Variants in FUBP3 observed in about 807,000 individuals in gnomAD.
The protein encoded by FUBP3 is far upstream element binding protein 3, also known as far upstream element-binding protein 3.
FUBP3 carries 28 observed loss-of-function variants against 85.6 expected under a neutral mutation model. The ratio of observed to expected loss-of-function variants is 0.33; its 90% CI spans 0.24 to 0.45. FUBP3 has a LOEUF of 0.45. Ranked by LOEUF, FUBP3 falls within the 20% of genes least tolerant of loss-of-function variation. The probability of loss-of-function intolerance (pLI) is 1.00; values close to 1 mark genes in which losing one functional copy is unlikely to be tolerated. For synonymous variants in FUBP3, 271 were observed against 271.4 expected (o/e 1.00, Z 0.01); for missense variants, 583 against 755.1 (o/e 0.77, Z 2.67).
At chr9:130,613,063 G>A (rs942254892) in intron 5 of FUBP3, 36 bp downstream of exon 5, 1 of 1,349,444 alleles carries the variant, frequency 7.4e-7, no homozygotes. Context: ...CAATTTTGTA[G>A]AAATCAGTAT....
rs1830173052 is a variant in FUBP3 at position 130,630,631 on chromosome 9, G to T, written c.1121G>T (p.Gly374Val). 5 of 1,595,804 alleles carry T rather than the reference G, an allele frequency of 3.1e-6. No individual in the cohort carries two copies. Among genetic ancestry groups the T allele is most frequent in the Non-Finnish European group, 4.3e-6 (5 of 1,171,682 alleles). Residue 374 changes from glycine (G) to valine (V), a missense_variant, in exon 13 of 19, where the codon GGT becomes GTT. Physicochemically the swap from Gly to Val is moderately radical, Grantham distance 109 (BLOSUM62 -3). Coordinates refer to ENST00000319725, the MANE Select transcript of FUBP3 (RefSeq NM_003934.2). ...GCCTGTGTTGTGCTGTCCGCAGGGG[G>T]TGAGAACATCAAAAGCATCAACCAG... ...DKCGLVIGKG[G>V]ENIKSINQQS...
chr9:130,635,963 C>G lies in FUBP3; in HGVS notation c.1583-36C>G. On this transcript the variant is annotated intron_variant, in intron 17 of 18. Coordinates refer to ENST00000319725, the MANE Select transcript of FUBP3 (RefSeq NM_003934.2). This position sits in a 1 kb window ranked among gnomAD's most constrained non-coding sequence, Gnocchi z 4.3. Reference sequence around the variant, plus strand: ...AAGGGTCCTGCCCAGTGCACCTCCGCTCCCGATAACCTGTGTTTCCTCCTT... The same window carrying G: ...AAGGGTCCTGCCCAGTGCACCTCCGGTCCCGATAACCTGTGTTTCCTCCTT... 6.2e-7 allele frequency: 1 copy of G among 1,606,822 alleles called. No homozygotes were observed. Among genetic ancestry groups the G allele is most frequent in the Non-Finnish European group, 8.5e-7 (1 of 1,176,482 alleles).
chr9:130,628,496 A>G (rs1268421766), intron 12 of FUBP3, among the ~76,000 whole-genome samples: 1 of 152,232 alleles, frequency 6.6e-6, no homozygotes, highest in African/African-American at 2.4e-5. Context: ...ATTTTGAAGG[A>G]AGATGAACTT....
In FUBP3 at chr9:130,635,950, C is replaced by T. The variant is rs749804411; in HGVS notation, c.1583-49C>T. 1 of 1,594,400 alleles carries T rather than the reference C, an allele frequency of 6.3e-7. No individual in the cohort carries two copies. The highest frequency in any genetic ancestry group is 8.5e-7 in the Non-Finnish European group (1 of 1,169,784). The stretch of plus-strand genomic sequence containing the variant: ...CAGGGCCTTTGGGAAGGGTCCTGCC[C>T]AGTGCACCTCCGCTCCCGATAACCT... On this transcript the variant is annotated intron_variant, in intron 17 of 18. Coordinates refer to ENST00000319725, the MANE Select transcript of FUBP3 (RefSeq NM_003934.2). This position sits in a 1 kb window ranked among gnomAD's most constrained non-coding sequence, Gnocchi z 4.3.
At chr9:130,589,449 T>C (rs1343286825) in intron 1 of FUBP3, among the ~76,000 whole-genome samples, 4 of 150,770 alleles carry the variant, frequency 2.7e-5, no homozygotes, top group Non-Finnish European at 5.9e-5. Flanking sequence ...GTTCAAGCAA[T>C]TCTTCTGCCT....
In FUBP3 at chr9:130,612,477, C is replaced by G; in HGVS notation, c.246C>G (p.Phe82Leu). The change falls in exon 4 of 19, where the codon TTC (phenylalanine) becomes TTG (leucine). Residue 82 changes from phenylalanine (F) to leucine (L), a missense_variant. Phe to Leu is a conservative substitution (Grantham distance 22). Coordinates refer to ENST00000319725, the MANE Select transcript of FUBP3 (RefSeq NM_003934.2). The surrounding 1 kb of genome is among the most constrained non-coding windows in gnomAD (Gnocchi z 4.1). ...VHQRTVITEE[F>L]KVPDKMVGFI... ...TTAGGACGGTAATAACGGAAGAATT[C>G]AAAGTGCCTGACAAAATGGTTGGAT... 6.3e-7 allele frequency: 1 copy of G among 1,597,814 alleles called. No individual in the cohort carries two copies. Among genetic ancestry groups the G allele is most frequent in the Non-Finnish European group, 8.6e-7 (1 of 1,166,026 alleles).
At chr9:130,593,461 G>A (rs764406091) in intron 1 of FUBP3, among the ~76,000 whole-genome samples, 10 of 152,124 alleles carry the variant, frequency 6.6e-5, no homozygotes, top group Non-Finnish European at 1.5e-4. Flanking sequence ...CCGCCTTCAG[G>A]AATCTTATTA....
chr9:130,636,667 C>T lies in FUBP3; in HGVS notation c.1711-347C>T, dbSNP rs187982701. On this transcript the variant is annotated intron_variant, in intron 18 of 18. Transcript: ENST00000319725. Reference sequence around the variant, plus strand: ...AAGAAGGGAAGACGTCCAAATGTTCCCACAGGGCGCATTTCCCACCTGATG... The same window carrying T: ...AAGAAGGGAAGACGTCCAAATGTTCTCACAGGGCGCATTTCCCACCTGATG... Among the ~76,000 whole-genome samples, 6 of 152,330 alleles carry T rather than the reference C, an allele frequency of 3.9e-5. No homozygotes were observed. In the East Asian group the frequency reaches 9.6e-4, roughly 24 times the overall value.
Position 130,579,657 on chromosome 9 carries a change from GCGGCGA to G in FUBP3, c.-18_-13del, listed in dbSNP as rs936321668. 3 of 1,197,684 alleles carry G rather than the reference GCGGCGA, an allele frequency of 2.5e-6. No homozygotes were observed. The highest frequency in any genetic ancestry group is 3.1e-6 in the Non-Finnish European group (3 of 952,776). 74.2% of individuals were successfully genotyped at this position (1,197,684 alleles called of 1,614,324 possible). On this transcript the variant is annotated 5_prime_UTR_variant, in exon 1 of 19. Coordinates refer to ENST00000319725, the MANE Select transcript of FUBP3 (RefSeq NM_003934.2). ...GGCGGCGTCGGCGGCGTCGGCGGCG[GCGGCGA>G]CGGCGGCGGGGGCGGTAATGGCGGA... is the stretch of plus-strand genomic sequence containing the variant.
chr9:130,622,842 T>TAA (rs78083080), intron 10 of FUBP3, 32 bp downstream of exon 10: 469 of 826,674 alleles, frequency 5.7e-4, no homozygotes, highest in East Asian at 2.9e-3. Flanking sequence ...TCCTTAGTGT[T>TAA]AAAAAAAAAA....
Position 130,635,287 on chromosome 9 carries a change from C to CA in FUBP3, c.1582+553dup, listed in dbSNP as rs1199622031. The stretch of plus-strand genomic sequence containing the variant: ...AGAGCAGGGCGAGGGACCCAACAAG[C>CA]AAAAGGTCTCTGGGGAGTCACATAA... On this transcript the variant is annotated intron_variant, in intron 17 of 18. Transcript: ENST00000319725. This position sits in a 1 kb window ranked among gnomAD's most constrained non-coding sequence, Gnocchi z 4.3. Among the ~76,000 whole-genome samples the CA allele has an allele frequency of 6.6e-6, 1 of 152,174 alleles. No individual in the cohort carries two copies. The highest frequency in any genetic ancestry group is 2.4e-5 in the African/African-American group (1 of 41,434).
At chr9:130,600,810 A>C (rs965528017) in intron 2 of FUBP3, among the ~76,000 whole-genome samples, 1 of 151,540 alleles carries the variant, frequency 6.6e-6, no homozygotes, top group African/African-American at 2.4e-5. Context: ...CCATCTCTAC[A>C]AAAAAATGAA....
At chr9:130,628,698 G>T (rs1377429268) in intron 12 of FUBP3, among the ~76,000 whole-genome samples, 1 of 152,208 alleles carries the variant, frequency 6.6e-6, no homozygotes, top group Non-Finnish European at 1.5e-5. Flanking sequence ...CTGGTTGGAG[G>T]CTGGTAGGGT....
At chr9:130,583,440 G>A (rs1462129047) in intron 1 of FUBP3, among the ~76,000 whole-genome samples, 5 of 152,202 alleles carry the variant, frequency 3.3e-5, no homozygotes, top group African/African-American at 1.2e-4. Context: ...CAGTGGGTTC[G>A]CCCTGCGAGG....
chr9:130,585,746 C>T (rs1314113429), intron 1 of FUBP3, among the ~76,000 whole-genome samples: 1 of 152,216 alleles, frequency 6.6e-6, no homozygotes, highest in Non-Finnish European at 1.5e-5. Context: ...CATCAAACGT[C>T]AGGAAATGTG....
intron 2 of FUBP3, among the ~76,000 whole-genome samples, chr9:130,606,937 A>AATGTGTCTG (rs1831489574): frequency 6.6e-6 from 1 of 152,060 alleles, no homozygotes; most frequent in African/African-American, 2.4e-5. Flanking sequence ...AATAGGGAAA[A>AATGTGTCTG]ATGTGTCTGA....
intron 11 of FUBP3, among the ~76,000 whole-genome samples, chr9:130,625,325 A>C (rs535644054): frequency 6.6e-6 from 1 of 152,374 alleles, no homozygotes; most frequent in East Asian, 1.9e-4. Flanking sequence ...TGCGTGTGTG[A>C]ACATCCATTC....
At position 130,607,886 on chromosome 9, in the gene FUBP3, C is replaced by T. The variant is rs77119948; in HGVS notation, c.191-2068C>T. Among the ~76,000 whole-genome samples the T allele has an allele frequency of 3.3e-5, 5 of 152,286 alleles. No homozygotes were observed. The East Asian group carries it at 9.6e-4, about 29-fold the overall frequency. ...TCTCAGTGATGCGGCTCTCAGCAGCCCATCTATCTGTGGGATGATAGTGTG... is the reference window on the plus strand; with the variant it reads ...TCTCAGTGATGCGGCTCTCAGCAGCTCATCTATCTGTGGGATGATAGTGTG... On this transcript the variant is annotated intron_variant, in intron 2 of 18. Coordinates refer to ENST00000319725, the MANE Select transcript of FUBP3 (RefSeq NM_003934.2).
intron 2 of FUBP3, among the ~76,000 whole-genome samples, chr9:130,597,341 A>G (rs886276703): frequency 2.6e-5 from 4 of 152,206 alleles, no homozygotes; most frequent in South Asian, 2.1e-4. Context: ...CCCTGCTTCA[A>G]GGGAAAGTTA....
Sources: gnomAD v4.1 joint callset for allele counts (sites outside exome capture counted in the v4.1 genomes callset) on GRCh38, gnomAD v4.1.1 for gene constraint, Gnocchi (gnomAD v3.1) non-coding constraint, MANE v1.5 for transcripts, NCBI Gene and HGNC (gene_info 2026-07-23, HGNC 2026-07-21) for gene names.